The following C1orf21 variants were observed in gnomAD, a reference collection of about 807,000 sequenced individuals.
The protein encoded by C1orf21 is uncharacterized protein C1orf21.
C1orf21 carries 3 observed loss-of-function variants against 18.7 expected under a neutral mutation model. That is an observed-to-expected ratio of 0.16 (90% CI 0.07 to 0.42). The LOEUF is 0.42. Ranked by LOEUF, C1orf21 falls within the 10% of genes least tolerant of loss-of-function variation. The pLI is 0.99. For synonymous variants in C1orf21, 41 were observed against 46.4 expected (o/e 0.88, Z 0.47); for missense variants, 104 against 143.6 (o/e 0.72, Z 1.41).
At chr1:184,421,436 G>T (rs1203259734) in intron 1 of C1orf21, among the ~76,000 whole-genome samples, 3 of 152,158 alleles carry the variant, frequency 2.0e-5, no homozygotes, top group African/African-American at 7.2e-5. Context: ...CAAACCAAAA[G>T]TTGGCCATGA....
chr1:184,628,051 G>A lies in C1orf21; in HGVS notation c.*8495G>A, dbSNP rs572320326. On this transcript the variant is annotated 3_prime_UTR_variant, in exon 6 of 6. Transcript: ENST00000235307. ...AAGGAAAATCTAGCATCAAGATTAC[G>A]AGGCATCACCTCTCAATCAGGTCTG... The A allele has an allele frequency of 1.3e-5, 2 of 152,210 alleles. No homozygotes were observed. Among genetic ancestry groups the A allele is most frequent in the South Asian group, 2.1e-4 (1 of 4,824 alleles). 9.4% of individuals were successfully genotyped at this position (152,210 alleles called of 1,614,324 possible). A position where few individuals can be genotyped will look rare whatever the true frequency, so the allele number is the denominator to read the frequency against.
At chr1:184,427,713 G>T (rs890315978) in intron 1 of C1orf21, among the ~76,000 whole-genome samples, 2 of 152,166 alleles carry the variant, frequency 1.3e-5, no homozygotes, top group Non-Finnish European at 2.9e-5. Context: ...AATATAGGTT[G>T]AAGTAACTCT....
intron 5 of C1orf21, among the ~76,000 whole-genome samples, chr1:184,610,392 G>C (rs1052289929): frequency 6.6e-6 from 1 of 152,156 alleles, no homozygotes; most frequent in Non-Finnish European, 1.5e-5. Flanking sequence ...GTTTGCCAAG[G>C]CCTGCTCTCG....
At chr1:184,396,756 T>G (rs1656056406) in intron 1 of C1orf21, among the ~76,000 whole-genome samples, 1 of 152,194 alleles carries the variant, frequency 6.6e-6, no homozygotes. Flanking sequence ...CTCCTCTCCT[T>G]GTCTGTATGC....
chr1:184,584,771 T>G (rs768973361), intron 3 of C1orf21, among the ~76,000 whole-genome samples: 1 of 152,202 alleles, frequency 6.6e-6, no homozygotes, highest in Non-Finnish European at 1.5e-5. Flanking sequence ...ATGCTACAAT[T>G]TGGATGAATC....
chr1:184,513,109 G>T (rs1350509854), intron 3 of C1orf21, among the ~76,000 whole-genome samples: 1 of 152,116 alleles, frequency 6.6e-6, no homozygotes, highest in East Asian at 1.9e-4. Context: ...CTTCACCCTG[G>T]TCTGTGAAAA....
intron 3 of C1orf21, among the ~76,000 whole-genome samples, chr1:184,528,501 A>G (rs1296944828): frequency 2.0e-5 from 3 of 151,742 alleles, no homozygotes; most frequent in Admixed American, 6.6e-5. Flanking sequence ...CTGGAGTGCA[A>G]TGGTGCAATC....
intron 5 of C1orf21, among the ~76,000 whole-genome samples, chr1:184,609,947 TAAG>T (rs1440178550): frequency 6.6e-6 from 1 of 152,228 alleles, no homozygotes; most frequent in Non-Finnish European, 1.5e-5. Context: ...GTTTGTAAAA[TAAG>T]AACAGTTTTT....
chr1:184,550,748 G>C (rs1482476507), intron 3 of C1orf21, among the ~76,000 whole-genome samples: 1 of 151,888 alleles, frequency 6.6e-6, no homozygotes, highest in Non-Finnish European at 1.5e-5. Flanking sequence ...TGTTTCCCAG[G>C]CTGGTCTCAA....
At chr1:184,508,644 C>G (rs1557989943) in intron 3 of C1orf21, among the ~76,000 whole-genome samples, 1 of 152,078 alleles carries the variant, frequency 6.6e-6, no homozygotes, top group Non-Finnish European at 1.5e-5. Flanking sequence ...GAGGCTGATT[C>G]TTTCCCCTAA....
chr1:184,566,918 A>G (rs766949173), intron 3 of C1orf21: 8 of 516,026 alleles, frequency 1.6e-5, no homozygotes, highest in African/African-American at 1.4e-4. Context: ...CCATCCTATA[A>G]TACCATCTCC....
chr1:184,457,918 TC>T (rs1432300550), intron 1 of C1orf21, among the ~76,000 whole-genome samples: 2 of 152,208 alleles, frequency 1.3e-5, no homozygotes, highest in Non-Finnish European at 2.9e-5. Context: ...TCAATTAAGT[TC>T]CTACTACGTG....
At chr1:184,390,278 C>G (rs1172591662) in intron 1 of C1orf21, among the ~76,000 whole-genome samples, 2 of 152,150 alleles carry the variant, frequency 1.3e-5, no homozygotes, top group Admixed American at 6.5e-5. Context: ...TTCTGCACCT[C>G]CTCATGGGTG....
In C1orf21 at chr1:184,398,701, A is replaced by G. The variant is rs545109428; in HGVS notation, c.-125+11333A>G. ...TGCTCCTAGGCTATAGACCTGTACA[A>G]TACATCTCTGTACTGAATACTATGG... is the stretch of plus-strand genomic sequence containing the variant. On this transcript the variant is annotated intron_variant, in intron 1 of 5. Coordinates refer to ENST00000235307, the MANE Select transcript of C1orf21 (RefSeq NM_030806.4). Among the ~76,000 whole-genome samples the G allele has an allele frequency of 5.9e-5, 9 of 152,330 alleles. No homozygotes were observed. The East Asian group carries it at 9.7e-4, about 16-fold the overall frequency.
At chr1:184,459,608 A>G (rs1571368116) in intron 1 of C1orf21, among the ~76,000 whole-genome samples, 1 of 152,180 alleles carries the variant, frequency 6.6e-6, no homozygotes, top group East Asian at 1.9e-4. Context: ...TTTATGATTC[A>G]TCTGTACTTT....
At chr1:184,536,759 G>A (rs576686766) in intron 3 of C1orf21, among the ~76,000 whole-genome samples, 3 of 152,108 alleles carry the variant, frequency 2.0e-5, no homozygotes, top group East Asian at 3.9e-4. Flanking sequence ...TGTGTTTGAA[G>A]GTGGCAGAGG....
At chr1:184,404,357 A>G (rs1018725449) in intron 1 of C1orf21, among the ~76,000 whole-genome samples, 1 of 152,052 alleles carries the variant, frequency 6.6e-6, no homozygotes, top group Non-Finnish European at 1.5e-5. Context: ...ACAAAAATTT[A>G]TTTCTCAAGG....
intron 3 of C1orf21, among the ~76,000 whole-genome samples, chr1:184,550,618 T>A (rs1658799428): frequency 6.6e-6 from 1 of 152,216 alleles, no homozygotes; most frequent in Non-Finnish European, 1.5e-5. Flanking sequence ...CACTGCAGCC[T>A]TGACCTCCTG....
At chr1:184,563,168 C>T (rs977916695) in intron 3 of C1orf21, among the ~76,000 whole-genome samples, 1 of 152,174 alleles carries the variant, frequency 6.6e-6, no homozygotes, top group African/African-American at 2.4e-5. Context: ...CTATGAGATG[C>T]ACATCTTACC....
Sources: allele counts gnomAD v4.1 joint callset (sites outside exome capture counted in the v4.1 genomes callset), GRCh38; gene constraint gnomAD v4.1.1; transcripts MANE v1.5; gene names NCBI Gene and HGNC (gene_info 2026-07-23, HGNC 2026-07-21).